NRXN1: variants seen among roughly 807,000 people sequenced by gnomAD.
The protein encoded by NRXN1 is neurexin 1, also known as neurexin-1.
In NRXN1, 39 loss-of-function variants were observed where a neutral mutation model predicts 150.9. The observed-to-expected ratio is 0.26, with a 90% CI of 0.20 to 0.34. The LOEUF is 0.34. NRXN1 is among the 10% of genes least tolerant of loss of function. The pLI is 1.00. For synonymous variants in NRXN1, 924 were observed against 757.0 expected, an observed-to-expected ratio of 1.22 and a Z score of -3.62; for missense variants, 1,815 against 1,949.9, an observed-to-expected ratio of 0.93 and a Z score of 1.30.
chr2:50,194,968 T>A (rs1446853387), intron 18 of NRXN1, among the ~76,000 whole-genome samples: 1 of 152,112 alleles, frequency 6.6e-6, no homozygotes, highest in East Asian at 1.9e-4. Context: ...TGTAATAAAT[T>A]TGAGGCCATC....
intron 8 of NRXN1, among the ~76,000 whole-genome samples, chr2:50,580,649 T>C (rs1297945594): frequency 4.6e-5 from 7 of 152,276 alleles, no homozygotes; most frequent in Admixed American, 3.9e-4. Context: ...GAGGGGTATA[T>C]GCTGGACAAA....
At chr2:50,898,150 C>T (rs577027700) in intron 5 of NRXN1, among the ~76,000 whole-genome samples, 16 of 152,200 alleles carry the variant, frequency 1.1e-4, no homozygotes, top group African/African-American at 3.6e-4. Context: ...TGGCTCTATT[C>T]AGTCAATGTC....
intron 5 of NRXN1, among the ~76,000 whole-genome samples, chr2:50,859,832 TTA>T (rs974719728): frequency 2.1e-4 from 19 of 91,022 alleles, no homozygotes; most frequent in African/African-American, 7.0e-4. Context: ...ACACACACAA[TTA>T]TGTTTGTGTG....
At chr2:49,937,894 T>C (rs1488779826) in intron 22 of NRXN1, among the ~76,000 whole-genome samples, 5 of 152,218 alleles carry the variant, frequency 3.3e-5, no homozygotes, top group Non-Finnish European at 5.9e-5. Flanking sequence ...CTTGAAATGA[T>C]TGTGATGACT....
chr2:50,400,644 T>C (rs1346920060), intron 17 of NRXN1, among the ~76,000 whole-genome samples: 1 of 152,142 alleles, frequency 6.6e-6, no homozygotes, highest in Non-Finnish European at 1.5e-5. Flanking sequence ...GAAATTGGAA[T>C]ACACTAACAA....
intron 17 of NRXN1, among the ~76,000 whole-genome samples, chr2:50,237,572 A>C (rs2065578953): frequency 6.6e-6 from 1 of 151,644 alleles, no homozygotes; most frequent in African/African-American, 2.4e-5. Flanking sequence ...TTAACAAGCA[A>C]CATCTAGTAG....
At chr2:50,464,238 A>G (rs1247761331) in intron 17 of NRXN1, among the ~76,000 whole-genome samples, 1 of 151,774 alleles carries the variant, frequency 6.6e-6, no homozygotes, top group African/African-American at 2.4e-5. Flanking sequence ...AAACTAGTAA[A>G]ATGAAGAACA....
chr2:50,646,978 A>G (rs1303835984), intron 5 of NRXN1, among the ~76,000 whole-genome samples: 1 of 151,898 alleles, frequency 6.6e-6, no homozygotes, highest in East Asian at 1.9e-4. Flanking sequence ...ATGAAGATGT[A>G]AAAGATCCAC....
intron 21 of NRXN1, among the ~76,000 whole-genome samples, chr2:50,022,204 A>C (rs567121517): frequency 1.3e-5 from 2 of 152,274 alleles, no homozygotes; most frequent in African/African-American, 4.8e-5. Flanking sequence ...GGATGATCTC[A>C]ATCTCCTGAC....
intron 5 of NRXN1, among the ~76,000 whole-genome samples, chr2:50,775,503 T>C (rs1275395238): frequency 6.6e-6 from 1 of 152,198 alleles, no homozygotes; most frequent in Non-Finnish European, 1.5e-5. Flanking sequence ...TGTTAGAGTT[T>C]TTATTCCACT....
chr2:50,117,827 T>C (rs958501545), intron 18 of NRXN1, among the ~76,000 whole-genome samples: 1 of 150,988 alleles, frequency 6.6e-6, no homozygotes, highest in Non-Finnish European at 1.5e-5. Context: ...GACAAAAATA[T>C]ATAAGATAGA....
At chr2:49,928,800 G>A (rs1669601227) in intron 22 of NRXN1, among the ~76,000 whole-genome samples, 1 of 152,074 alleles carries the variant, frequency 6.6e-6, no homozygotes, top group Admixed American at 6.6e-5. Flanking sequence ...CTCATGCGGT[G>A]GTTTTGTAAG....
At chr2:51,003,453 T>C (rs1037983882) in intron 2 of NRXN1, among the ~76,000 whole-genome samples, 1 of 152,108 alleles carries the variant, frequency 6.6e-6, no homozygotes. Context: ...AAACCTTTTA[T>C]TGAAACCTCC....
At chr2:50,909,742 T>C (rs537248752) in intron 5 of NRXN1, among the ~76,000 whole-genome samples, 43 of 152,102 alleles carry the variant, frequency 2.8e-4, no homozygotes, top group African/African-American at 9.4e-4. Flanking sequence ...GAAGGGATTA[T>C]ATATTTTTTC....
intron 5 of NRXN1, among the ~76,000 whole-genome samples, chr2:50,727,231 C>T (rs1291888388): frequency 1.3e-5 from 2 of 152,042 alleles, no homozygotes; most frequent in African/African-American, 4.8e-5. Flanking sequence ...TTTCCAAAAG[C>T]AAAACTGCTA....
intron 21 of NRXN1, among the ~76,000 whole-genome samples, chr2:49,996,498 A>AGGACATTAATCCCTCAACTTCTC (rs1683028218): frequency 6.6e-6 from 1 of 152,218 alleles, no homozygotes. Flanking sequence ...CTGACATGGC[A>AGGACATTAATCCCTCAACTTCTC]AAGTCTTTGT....
chr2:50,592,604 C>A (rs1674472977), intron 8 of NRXN1, among the ~76,000 whole-genome samples: 1 of 152,168 alleles, frequency 6.6e-6, no homozygotes, highest in Non-Finnish European at 1.5e-5. Context: ...AGTGAAAAGA[C>A]TTCCAAGGAC....
chr2:50,824,372 T>C (rs1670159536), intron 5 of NRXN1, among the ~76,000 whole-genome samples: 1 of 151,992 alleles, frequency 6.6e-6, no homozygotes, highest in African/African-American at 2.4e-5. Flanking sequence ...TTATAGATCT[T>C]AAATACTTAA....
chr2:50,519,846 T>C (rs2105112165), intron 12 of NRXN1, among the ~76,000 whole-genome samples: 1 of 152,046 alleles, frequency 6.6e-6, no homozygotes, highest in Admixed American at 6.6e-5. Flanking sequence ...GACATATTTT[T>C]CCTCCCTATT....
Sources: gnomAD v4.1 joint callset for allele counts (sites outside exome capture counted in the v4.1 genomes callset) on GRCh38, gnomAD v4.1.1 for gene constraint, MANE v1.5 for transcripts, NCBI Gene and HGNC (gene_info 2026-07-23, HGNC 2026-07-21) for gene names.